Variants in C11orf24 observed in about 807,000 individuals in gnomAD.
The protein encoded by C11orf24 is uncharacterized protein C11orf24.
Under a neutral mutation model 7.3 loss-of-function variants are expected in C11orf24, and 5 were observed. The observed-to-expected ratio is 0.69, with a 90% CI of 0.36 to 1.45. The LOEUF (loss-of-function observed/expected upper bound fraction) is 1.45. Ranked by LOEUF, C11orf24 falls within the 40% of genes most tolerant of loss-of-function variation. The probability of loss-of-function intolerance (pLI) is 0.03; values close to 1 mark genes in which losing one functional copy is unlikely to be tolerated. For synonymous variants in C11orf24, 233 were observed against 235.7 expected, an observed-to-expected ratio of 0.99 and a Z score of 0.11; for missense variants, 566 against 590.5, an observed-to-expected ratio of 0.96 and a Z score of 0.43.
rs1329577889 is a variant in C11orf24, at chr11:68,261,573, C to T, written c.*72G>A. On this transcript the variant is annotated 3_prime_UTR_variant, in exon 4 of 4. Coordinates refer to ENST00000304271, the MANE Select transcript of C11orf24 (RefSeq NM_022338.4). ...ATTGCACCAAAAGAATTTGGAAGCACTTGGTTTGGTCTCAAAGGCAAAAGG... is the reference window on the plus strand; with the variant it reads ...ATTGCACCAAAAGAATTTGGAAGCATTTGGTTTGGTCTCAAAGGCAAAAGG... 5 of 1,390,316 alleles carry T rather than the reference C, an allele frequency of 3.6e-6. No individual in the cohort carries two copies. Among genetic ancestry groups the T allele is most frequent in the Admixed American group, 2.2e-5 (1 of 44,812 alleles). 86.1% of individuals were successfully genotyped at this position (1,390,316 alleles called of 1,614,324 possible).
In C11orf24 at chr11:68,262,249, A is replaced by T; in HGVS notation, c.746T>A (p.Met249Lys). ...SDTAASPVPPMRPQAQGPISQ... is the reference protein window; with the variant it reads ...SDTAASPVPPKRPQAQGPISQ... ...AATGGGACCTTGTGCTTGGGGACGC[A>T]TAGGGGGTACAGGGCTTGCCGCGGT... The change falls in exon 4 of 4, where the codon ATG (methionine) becomes AAG (lysine). Residue 249 changes from methionine to lysine, a missense_variant. By Grantham distance (95) the Met-to-Lys change is moderately conservative. Coordinates refer to ENST00000304271, the MANE Select transcript of C11orf24 (RefSeq NM_022338.4). 13 of 1,613,312 alleles carry T rather than the reference A, an allele frequency of 8.1e-6. No individual in the cohort carries two copies. The highest frequency in any genetic ancestry group is 1.0e-5 in the Non-Finnish European group (12 of 1,179,390).
Position 68,271,875 on chromosome 11 carries a change from C to G in C11orf24, c.-316G>C, listed in dbSNP as rs1314280598. 6.6e-6 allele frequency: 1 copy of G among 152,306 alleles called. No individual in the cohort carries two copies. The highest frequency in any genetic ancestry group is 1.5e-5 in the Non-Finnish European group (1 of 68,116). The allele number at this position is 152,306 out of a possible 1,614,324, so 9.4% of individuals were successfully genotyped here. On this transcript the variant is annotated 5_prime_UTR_variant, in exon 1 of 4. Transcript: ENST00000304271. ...CCCTTACCCGGGCGCAGCAGGCCCC[C>G]GGCGGCCTGGTGGCCCTCGGACAGT...
In C11orf24 at chr11:68,263,777, G is replaced by A; in HGVS notation, c.-10C>T. 6.2e-7 allele frequency: 1 copy of A among 1,611,444 alleles called. No individual in the cohort carries two copies. The highest frequency in any genetic ancestry group is 8.5e-7 in the Non-Finnish European group (1 of 1,179,298). On this transcript the variant is annotated 5_prime_UTR_variant, in exon 3 of 4. Coordinates refer to ENST00000304271, the MANE Select transcript of C11orf24 (RefSeq NM_022338.4). ...CAAGAGCTGTCCACATCTTGTGGGTGAGCTGGGAGCAAGGCTGGGCGGTCC... is the reference window on the plus strand; with the variant it reads ...CAAGAGCTGTCCACATCTTGTGGGTAAGCTGGGAGCAAGGCTGGGCGGTCC...
chr11:68,271,940 A>G lies in C11orf24; in HGVS notation c.-381T>C, dbSNP rs1417660100. The G allele has an allele frequency of 1.3e-5, 2 of 152,170 alleles. No homozygotes were observed. The highest frequency in any genetic ancestry group is 6.5e-5 in the Admixed American group (1 of 15,278). 9.4% of individuals were successfully genotyped at this position (152,170 alleles called of 1,614,324 possible). On this transcript the variant is annotated 5_prime_UTR_variant, in exon 1 of 4. Coordinates refer to ENST00000304271, the MANE Select transcript of C11orf24 (RefSeq NM_022338.4). ...GGCCCGGCGCGGGGACGTGGCCGGC[A>G]GCGCAACCCAGGCAGCTCCGGGCAG...
At position 68,262,631 on chromosome 11, in the gene C11orf24, C is replaced by T; in HGVS notation, c.364G>A (p.Ala122Thr). ...SSTTAASITT[A>T]ASSMTVASSA... ...GAGGCCACAGTCATACTGGAGGCCG[C>T]AGTCGTAATGGAGGCCGCAGTCGTA... Residue 122 changes from alanine to threonine, a missense_variant, in exon 4 of 4, where the codon GCG becomes ACG. By Grantham distance (58) the Ala-to-Thr change is moderately conservative. Transcript: ENST00000304271. 5 of 1,612,706 alleles carry T rather than the reference C, an allele frequency of 3.1e-6. No individual in the cohort carries two copies. Among genetic ancestry groups the T allele is most frequent in the Non-Finnish European group, 4.2e-6 (5 of 1,179,874 alleles).
rs1565289987 is a variant in C11orf24 at position 68,262,753 on chromosome 11, G to A, written c.242C>T (p.Thr81Ile). ...CACATCTGTCCTGCTTGTGTCCTCTGTTGTGACTTCCATAGAGTTGAGGTG... is the reference window on the plus strand; with the variant it reads ...CACATCTGTCCTGCTTGTGTCCTCTATTGTGACTTCCATAGAGTTGAGGTG... ...AAHLNSMEVT[T>I]EDTSRTDVSE... Residue 81 changes from threonine (T) to isoleucine (I), a missense_variant, in exon 4 of 4, where the codon ACA (threonine) becomes ATA (isoleucine). Physicochemically the swap from Thr to Ile is moderately conservative, Grantham distance 89. Transcript: ENST00000304271. 1 of 1,614,052 alleles carries A rather than the reference G, an allele frequency of 6.2e-7. No individual in the cohort carries two copies. Among genetic ancestry groups the A allele is most frequent in the Non-Finnish European group, 8.5e-7 (1 of 1,180,046 alleles).
intron 3 of C11orf24, 97 bp downstream of exon 3, chr11:68,263,595 C>T (rs530249231): frequency 7.9e-6 from 9 of 1,143,176 alleles, no homozygotes; most frequent in Admixed American, 2.0e-5. Flanking sequence ...CGGTTCCTGA[C>T]GCGTTGGCCT....
chr11:68,268,567 C>T (rs555555089), intron 1 of C11orf24, among the ~76,000 whole-genome samples: 1 of 152,196 alleles, frequency 6.6e-6, no homozygotes, highest in Non-Finnish European at 1.5e-5. Context: ...TGGTGGGCAC[C>T]TGTAATCCCA....
intron 2 of C11orf24, among the ~76,000 whole-genome samples, chr11:68,265,559 G>C (rs2098564687): frequency 6.6e-6 from 1 of 152,158 alleles, no homozygotes; most frequent in Admixed American, 6.5e-5. Context: ...GACTGCAGTG[G>C]CATGATCGTA....
At chr11:68,268,535 CAA>C (rs1247262631) in intron 1 of C11orf24, among the ~76,000 whole-genome samples, 27 of 152,154 alleles carry the variant, frequency 1.8e-4, no homozygotes, top group African/African-American at 6.3e-4. Context: ...ACTAAAAATA[CAA>C]AAAAATTAGC....
intron 2 of C11orf24, among the ~76,000 whole-genome samples, chr11:68,265,436 A>G (rs893159635): frequency 6.6e-6 from 1 of 152,240 alleles, no homozygotes; most frequent in Admixed American, 6.5e-5. Context: ...AGCCGGCCCA[A>G]GTTGCTGTAA....
At chr11:68,265,189 G>A (rs189384145) in intron 2 of C11orf24, among the ~76,000 whole-genome samples, 133 of 152,342 alleles carry the variant, frequency 8.7e-4, no homozygotes, top group Non-Finnish European at 1.7e-3. Flanking sequence ...GCGGGAATTA[G>A]TCTGGAGAGC....
intron 2 of C11orf24, among the ~76,000 whole-genome samples, chr11:68,264,522 TCATCCATCCATC>T (rs2098563681): frequency 7.0e-5 from 1 of 14,290 alleles, no homozygotes; most frequent in Non-Finnish European, 1.4e-4. Flanking sequence ...ATCCACCCAC[TCATCCATCCATC>T]CATCCATCCA....
Position 68,262,666 on chromosome 11 carries a change from A to G in C11orf24, c.329T>C (p.Val110Ala), listed in dbSNP as rs764674297. 3.1e-6 allele frequency: 5 copies of G among 1,613,876 alleles called. No individual in the cohort carries two copies. The highest frequency in any genetic ancestry group is 4.2e-6 in the Non-Finnish European group (5 of 1,179,972). The stretch of plus-strand genomic sequence containing the variant: ...GGAGGCCGCAGTCGTACTGGAGGCC[A>G]CAGCCGTGGGAGCAATGGAGGTCAC... ...DGVTSIAPTA[V>A]ASSTTAASIT... The change falls in exon 4 of 4, where the codon GTG becomes GCG. Residue 110 changes from valine to alanine, a missense_variant. By Grantham distance (64) the Val-to-Ala change is moderately conservative (BLOSUM62 0). Transcript: ENST00000304271.
intron 2 of C11orf24, among the ~76,000 whole-genome samples, chr11:68,264,852 T>C (rs908644176): frequency 1.3e-5 from 2 of 151,448 alleles, no homozygotes; most frequent in Non-Finnish European, 2.9e-5. Flanking sequence ...AAAGAGGTCA[T>C]TGCAGGCTGG....
chr11:68,270,478 C>A (rs553255380), intron 1 of C11orf24, among the ~76,000 whole-genome samples: 1 of 151,358 alleles, frequency 6.6e-6, no homozygotes, highest in African/African-American at 2.4e-5. Context: ...GGACTCCAGG[C>A]GTGGTGCTGC....
chr11:68,262,232 C>T lies in C11orf24; in HGVS notation c.763G>A (p.Gly255Ser), dbSNP rs370115425. Residue 255 changes from glycine (G) to serine (S), a missense_variant, in exon 4 of 4, where the codon GGT (glycine) becomes AGT (serine). Transcript: ENST00000304271. Reference protein sequence around the residue: ...PVPPMRPQAQGPISQVSVDQP... With the variant: ...PVPPMRPQAQSPISQVSVDQP... ...TCCACTGACACCTGGCTAATGGGAC[C>T]TTGTGCTTGGGGACGCATAGGGGGT... is the stretch of plus-strand genomic sequence containing the variant. 3 of 1,612,860 alleles carry T rather than the reference C, an allele frequency of 1.9e-6. No homozygotes were observed. Among genetic ancestry groups the T allele is most frequent in the Non-Finnish European group, 2.5e-6 (3 of 1,179,144 alleles).
chr11:68,262,202 G>C lies in C11orf24; in HGVS notation c.793C>G (p.Pro265Ala). The C allele has an allele frequency of 6.2e-7, 1 of 1,613,292 alleles. No homozygotes were observed. The highest frequency in any genetic ancestry group is 1.3e-5 in the African/African-American group (1 of 75,032). The part of the protein sequence containing the change: ...GPISQVSVDQ[P>A]VVNTTNKSTP... ...GATTTATTTGTTGTGTTAACCACAG[G>C]CTGGTCCACTGACACCTGGCTAATG... The change falls in exon 4 of 4, where the codon CCT (proline) becomes GCT (alanine). Residue 265 changes from proline to alanine, a missense_variant. Transcript: ENST00000304271.
chr11:68,263,219 A>C (rs999725306), intron 3 of C11orf24: 4 of 467,102 alleles, frequency 8.6e-6, no homozygotes, highest in African/African-American at 7.7e-5. Context: ...TCAGAGTAAA[A>C]GTCTCACACA....
Sources: allele counts gnomAD v4.1 joint callset (sites outside exome capture counted in the v4.1 genomes callset), GRCh38; gene constraint gnomAD v4.1.1; transcripts MANE v1.5; gene names NCBI Gene and HGNC (gene_info 2026-07-23, HGNC 2026-07-21).